Variants in AZIN2 observed in about 807,000 individuals in gnomAD.
The protein encoded by AZIN2 is antizyme inhibitor 2.
Under a neutral mutation model 47.8 loss-of-function variants are expected in AZIN2, and 28 were observed. That is an observed-to-expected ratio of 0.59 (90% confidence interval 0.43 to 0.80). The LOEUF is 0.80. AZIN2 is among the 30% of genes least tolerant of loss of function. The probability of loss-of-function intolerance (pLI) is 0.00; values close to 1 mark genes in which losing one functional copy is unlikely to be tolerated. For missense variants in AZIN2, 535 were observed against 582.5 expected, an observed-to-expected ratio of 0.92 and a Z score of 0.84; for synonymous variants, 221 against 239.4, an observed-to-expected ratio of 0.92 and a Z score of 0.71.
chr1:33,127,993 T>C (rs1644868902), downstream of AZIN2, among the ~76,000 whole-genome samples: 1 of 152,120 alleles, frequency 6.6e-6, no homozygotes. Context: ...CCTAAGTTAC[T>C]CTCTGCCACA....
the AZIN2 span, among the ~76,000 whole-genome samples, chr1:33,140,832 C>T: frequency 6.6e-6 from 1 of 152,188 alleles, no homozygotes; most frequent in African/African-American, 2.4e-5. The surrounding 1 kb of genome is among the most constrained non-coding windows in gnomAD (Gnocchi z 4.0). Flanking sequence ...AGGAAGGCAC[C>T]CAGCTCCTGG....
chr1:33,128,252 C>T (rs933041387), downstream of AZIN2, among the ~76,000 whole-genome samples: 2 of 149,626 alleles, frequency 1.3e-5, no homozygotes, highest in African/African-American at 2.5e-5. Context: ...CAAGCACCTG[C>T]GGTCCCAGCT....
At chr1:33,098,592 A>G (rs1171241687) in intron 10 of AZIN2, among the ~76,000 whole-genome samples, 2 of 152,220 alleles carry the variant, frequency 1.3e-5, no homozygotes. Flanking sequence ...GAAACAGTTC[A>G]TATACAGTGG....
the AZIN2 span, among the ~76,000 whole-genome samples, chr1:33,152,341 G>A: frequency 2.0e-5 from 3 of 152,136 alleles, no homozygotes; most frequent in South Asian, 2.1e-4. Flanking sequence ...CGAGGCAGGC[G>A]GATCACCTGA....
At chr1:33,158,654 G>A in the AZIN2 span, among the ~76,000 whole-genome samples, 2 of 152,098 alleles carry the variant, frequency 1.3e-5, no homozygotes, top group East Asian at 1.9e-4. Context: ...GCTCGGTCAC[G>A]GTCAATGCCA....
Position 33,081,824 on chromosome 1 carries a change from C to T in AZIN2, c.-73+12C>T, listed in dbSNP as rs1175740738. The T allele has an allele frequency of 3.8e-6, 1 of 264,868 alleles. No homozygotes were observed. Among genetic ancestry groups the T allele is most frequent in the African/African-American group, 2.3e-5 (1 of 42,952 alleles). The allele number at this position is 264,868 out of a possible 1,614,324, so 16.4% of individuals were successfully genotyped here. On this transcript the variant is annotated intron_variant, in intron 3 of 11. Transcript: ENST00000294517. This position sits in a 1 kb window ranked among gnomAD's most constrained non-coding sequence, Gnocchi z 4.2. The stretch of plus-strand genomic sequence containing the variant: ...CGGCTACCCTCTAGGTGGGCGTGGT[C>T]AAGACTGGGGGCGCCCTGGAAACTT...
chr1:33,144,092 T>C, the AZIN2 span, among the ~76,000 whole-genome samples: 1 of 152,098 alleles, frequency 6.6e-6, no homozygotes, highest in Non-Finnish European at 1.5e-5. Flanking sequence ...AGACACACTC[T>C]TACATGCAAA....
intron 10 of AZIN2, among the ~76,000 whole-genome samples, chr1:33,105,400 C>A (rs1643951415): frequency 6.6e-6 from 1 of 152,108 alleles, no homozygotes; most frequent in Admixed American, 6.5e-5. Flanking sequence ...AGTTTGTTCT[C>A]ACACTGCCAA....
At chr1:33,135,787 G>A in the AZIN2 span, among the ~76,000 whole-genome samples, 1 of 152,160 alleles carries the variant, frequency 6.6e-6, no homozygotes, top group African/African-American at 2.4e-5. Flanking sequence ...ATCTTTGCCT[G>A]GTCACCATCA....
At chr1:33,097,050 C>CT (rs35463728) in intron 9 of AZIN2, 181 bp downstream of exon 9, 5 of 677,698 alleles carry the variant, frequency 7.4e-6, no homozygotes, top group Admixed American at 2.9e-5. Flanking sequence ...TATTTAGCAT[C>CT]TTTTTTCCTA....
the AZIN2 span, among the ~76,000 whole-genome samples, chr1:33,157,774 C>T: frequency 1.3e-5 from 2 of 150,926 alleles, no homozygotes; most frequent in South Asian, 4.2e-4. Context: ...CCTTTTTTTC[C>T]GAGATGGAGT....
At chr1:33,132,617 C>A in the AZIN2 span, among the ~76,000 whole-genome samples, 1 of 152,236 alleles carries the variant, frequency 6.6e-6, no homozygotes, top group Admixed American at 6.5e-5. Context: ...CTTCTCTATG[C>A]TCCCACAGAC....
At chr1:33,159,608 A>G in the AZIN2 span, 2 of 1,507,538 alleles carry the variant, frequency 1.3e-6, no homozygotes, top group Non-Finnish European at 1.8e-6. This position sits in a 1 kb window ranked among gnomAD's most constrained non-coding sequence, Gnocchi z 4.2. Context: ...TAAGGATCCC[A>G]TCTGCCTCCA....
chr1:33,115,153 T>G, intron 10 of AZIN2, among the ~76,000 whole-genome samples: 1 of 152,092 alleles, frequency 6.6e-6, no homozygotes, highest in Non-Finnish European at 1.5e-5. Flanking sequence ...TCACCTTCCC[T>G]CTCTGAGTTT....
chr1:33,120,011 TG>T, intron 11 of AZIN2, 32 bp from the exon 12 acceptor site: 1 of 1,612,650 alleles, frequency 6.2e-7, no homozygotes, highest in South Asian at 1.1e-5. Flanking sequence ...AGTCCCATGC[TG>T]GCTACTTGCA....
the AZIN2 span, among the ~76,000 whole-genome samples, chr1:33,150,286 G>A: frequency 6.6e-6 from 1 of 151,920 alleles, no homozygotes; most frequent in Non-Finnish European, 1.5e-5. Flanking sequence ...TGCTTGGCTG[G>A]AGCATTCTCC....
the AZIN2 span, among the ~76,000 whole-genome samples, chr1:33,156,285 C>T: frequency 1.3e-5 from 2 of 152,210 alleles, no homozygotes; most frequent in Non-Finnish European, 2.9e-5. Context: ...TTGAAAACTC[C>T]TTTAAAGCAT....
Position 33,093,393 on chromosome 1 carries a change from C to T in AZIN2, c.564C>T (p.His188=). The change falls in exon 7 of 12, where the codon CAC becomes CAT. Residue 188 remains histidine, a synonymous_variant. Transcript: ENST00000294517. Reference sequence around the variant, plus strand: ...ACCTGCTTGAAAATGCGAAGAAGCACCATGTGGAGGTGGTGGGTGTGAGGT... The same window carrying T: ...ACCTGCTTGAAAATGCGAAGAAGCATCATGTGGAGGTGGTGGGTGTGAGGT... ...CRHLLENAKK[H]HVEVVGVSFH... is the part of the protein sequence containing the mutation. 1 of 1,613,968 alleles carries T rather than the reference C, an allele frequency of 6.2e-7. No homozygotes were observed. Among genetic ancestry groups the T allele is most frequent in the South Asian group, 1.1e-5 (1 of 91,068 alleles).
chr1:33,117,824 A>T (rs1238078224), intron 10 of AZIN2, 78 bp from the exon 11 acceptor site: 1 of 1,504,468 alleles, frequency 6.6e-7, no homozygotes, highest in Non-Finnish European at 9.3e-7. Context: ...TGGGAGCCAT[A>T]GAAGGCTTTT....
Sources: gnomAD v4.1 joint callset for allele counts (sites outside exome capture counted in the v4.1 genomes callset) on GRCh38, gnomAD v4.1.1 for gene constraint, Gnocchi (gnomAD v3.1) non-coding constraint, MANE v1.5 for transcripts, NCBI Gene and HGNC (gene_info 2026-07-23, HGNC 2026-07-21) for gene names.